The following USH2A variants were observed in gnomAD, a reference collection of about 807,000 sequenced individuals.
USH2A encodes the protein Usher syndrome 2A (autosomal recessive, mild).
Under a neutral mutation model 538.9 loss-of-function variants are expected in USH2A, and 443 were observed. That is an observed-to-expected ratio of 0.82 (90% confidence interval 0.76 to 0.89). The LOEUF (loss-of-function observed/expected upper bound fraction) is 0.89, where lower values mean the gene tolerates loss of function less well. Ranked by LOEUF, USH2A falls within the 40% of genes least tolerant of loss-of-function variation. The probability of loss-of-function intolerance (pLI) is 0.00; values close to 1 mark genes in which losing one functional copy is unlikely to be tolerated. For synonymous variants in USH2A, 2,413 were observed against 2,273.5 expected (o/e 1.06, Z -1.75); for missense variants, 6,633 against 6,324.8 (o/e 1.05, Z -1.65).
In USH2A at chr1:216,103,494, G is replaced by GT. The variant is rs1468529594; in HGVS notation, c.4628-6282dup. Among the ~76,000 whole-genome samples the GT allele has an allele frequency of 5.3e-5, 8 of 152,268 alleles. No individual in the cohort carries two copies. The South Asian group carries it at 8.3e-4, about 16-fold the overall frequency. On this transcript the variant is annotated intron_variant, in intron 21 of 71. Transcript: ENST00000307340. ...CAAGTAATAGCCATACAAAGCTATT[G>GT]TAAGAACAAAAAGAAATCAAGAACT...
At chr1:215,743,361 AC>A in intron 58 of USH2A, 26 bp from the exon 59 acceptor site, 1 of 1,213,652 alleles carries the variant, frequency 8.2e-7, no homozygotes, top group Non-Finnish European at 1.2e-6. Context: ...GAGAGAGAGA[AC>A]ATTAAAAACA....
At chr1:215,731,957 T>TA (rs757197293) in intron 60 of USH2A, among the ~76,000 whole-genome samples, 13 of 152,354 alleles carry the variant, frequency 8.5e-5, no homozygotes, top group Non-Finnish European at 1.9e-4. Flanking sequence ...CTCTAGTTTC[T>TA]ATTTCATTTT....
At chr1:215,728,473 T>C in intron 60 of USH2A, 89 bp from the exon 61 acceptor site, 1 of 1,291,420 alleles carries the variant, frequency 7.7e-7, no homozygotes, top group Non-Finnish European at 1.1e-6. Context: ...TTTTAGAATT[T>C]GTTATCAACT....
intron 2 of USH2A, among the ~76,000 whole-genome samples, 176 bp from the exon 3 acceptor site, chr1:216,418,855 G>A (rs1346809444): frequency 6.6e-6 from 1 of 151,998 alleles, no homozygotes; most frequent in East Asian, 1.9e-4. Flanking sequence ...CAATGAAGAA[G>A]CCCCTTTATT....
intron 9 of USH2A, among the ~76,000 whole-genome samples, chr1:216,318,983 G>A (rs560360992): frequency 1.6e-4 from 25 of 152,128 alleles, no homozygotes; most frequent in Non-Finnish European, 2.9e-4. Context: ...AAGACAGGAC[G>A]TCACAAGCAA....
chr1:216,085,120 G>T, intron 24 of USH2A: 1 of 464,076 alleles, frequency 2.2e-6, no homozygotes. Context: ...CAGAAACCTT[G>T]GTTTTGCAGT....
intron 17 of USH2A, 150 bp downstream of exon 17, chr1:216,199,477 A>G (rs921611152): frequency 1.9e-5 from 23 of 1,194,896 alleles, no homozygotes; most frequent in Middle Eastern, 2.8e-4. Flanking sequence ...CAGGACAAAT[A>G]CTATCTTATA....
intron 61 of USH2A, among the ~76,000 whole-genome samples, chr1:215,695,725 T>C (rs147571030): frequency 1.1e-3 from 169 of 149,062 alleles, no homozygotes; most frequent in African/African-American, 4.0e-3. Flanking sequence ...CGTCTACATA[T>C]CACATAACTT....
chr1:216,418,382 G>T, intron 3 of USH2A, 132 bp downstream of exon 3: 1 of 1,001,888 alleles, frequency 1.0e-6, no homozygotes, highest in Non-Finnish European at 1.5e-6. Flanking sequence ...TTCTTCTTTA[G>T]TTGTCATTTA....
At chr1:215,780,079 A>G in intron 54 of USH2A, 38 bp from the exon 55 acceptor site, 1 of 1,604,166 alleles carries the variant, frequency 6.2e-7, no homozygotes. Context: ...TTATTGTAAT[A>G]GTGCACTAGC....
At chr1:215,941,689 CA>C (rs1666637475) in intron 37 of USH2A, among the ~76,000 whole-genome samples, 1 of 152,102 alleles carries the variant, frequency 6.6e-6, no homozygotes, top group African/African-American at 2.4e-5. Flanking sequence ...TAGGATCAGA[CA>C]AGTAATTTGA....
chr1:216,097,346 G>T (rs931710200), intron 21 of USH2A, 133 bp from the exon 22 acceptor site: 3 of 1,491,452 alleles, frequency 2.0e-6, no homozygotes, highest in Non-Finnish European at 2.8e-6. Context: ...CAATATACTC[G>T]CATGGTCTAG....
At chr1:215,931,794 T>C (rs933528202) in intron 38 of USH2A, among the ~76,000 whole-genome samples, 3 of 152,036 alleles carry the variant, frequency 2.0e-5, no homozygotes, top group Non-Finnish European at 2.9e-5. Flanking sequence ...GTTCCTACTC[T>C]ATAGGATCTT....
intron 71 of USH2A, among the ~76,000 whole-genome samples, chr1:215,628,359 T>C (rs1422002911): frequency 6.6e-6 from 1 of 152,100 alleles, no homozygotes; most frequent in East Asian, 1.9e-4. Context: ...CTCGGCTCAC[T>C]GCAACCTCCA....
intron 21 of USH2A, among the ~76,000 whole-genome samples, chr1:216,149,242 G>C (rs913472101): frequency 6.6e-6 from 1 of 152,102 alleles, no homozygotes; most frequent in African/African-American, 2.4e-5. Context: ...AATAAGTAGA[G>C]GCCTTTCCTA....
At chr1:215,829,686 A>G (rs1663258575) in intron 47 of USH2A, among the ~76,000 whole-genome samples, 1 of 152,226 alleles carries the variant, frequency 6.6e-6, no homozygotes, top group East Asian at 1.9e-4. Flanking sequence ...CACAAGGCTA[A>G]CTGCTTTGGT....
chr1:216,098,313 A>C (rs1291799842), intron 21 of USH2A, among the ~76,000 whole-genome samples: 1 of 151,382 alleles, frequency 6.6e-6, no homozygotes, highest in South Asian at 2.1e-4. Flanking sequence ...TATATGTCTT[A>C]ACAAATTATC....
intron 21 of USH2A, among the ~76,000 whole-genome samples, chr1:216,158,624 T>A (rs1031471774): frequency 3.9e-5 from 6 of 152,202 alleles, no homozygotes; most frequent in African/African-American, 9.7e-5. Flanking sequence ...GCTTACCTAC[T>A]GCAGTCTTAT....
chr1:216,144,520 A>G (rs2033658594), intron 21 of USH2A, among the ~76,000 whole-genome samples: 1 of 152,188 alleles, frequency 6.6e-6, no homozygotes, highest in Admixed American at 6.5e-5. Context: ...TCAGCTATCA[A>G]TATGTATTGG....
Sources: allele counts gnomAD v4.1 joint callset (sites outside exome capture counted in the v4.1 genomes callset), GRCh38; gene constraint gnomAD v4.1.1; transcripts MANE v1.5; gene names NCBI Gene and HGNC (gene_info 2026-07-23, HGNC 2026-07-21).